Variants in DOCK9 observed in about 807,000 individuals in gnomAD.
DOCK9 encodes dedicator of cytokinesis 9, also known as dedicator of cytokinesis protein 9.
A neutral mutation model predicts 263.3 loss-of-function variants in DOCK9; 89 were observed. The ratio of observed to expected loss-of-function variants is 0.34; its 90% CI spans 0.28 to 0.40. The LOEUF is 0.40. Among genes scored for constraint, DOCK9 ranks in the 10% least tolerant of loss-of-function variants. The pLI is 1.00. For missense variants in DOCK9, 2,140 were observed against 2,603.4 expected, an observed-to-expected ratio of 0.82 and a Z score of 3.87; for synonymous variants, 976 against 973.1, an observed-to-expected ratio of 1.00 and a Z score of -0.06.
At chr13:98,889,696 G>A (rs80156881) in intron 15 of DOCK9, among the ~76,000 whole-genome samples, 5,467 of 152,086 alleles carry the variant, frequency 0.036, 227 homozygotes, top group African/African-American at 0.1. Context: ...GTCTAGCGAT[G>A]TTCCTCTATC....
chr13:99,084,033 T>C (rs1434319746), intron 1 of DOCK9, among the ~76,000 whole-genome samples: 3 of 152,208 alleles, frequency 2.0e-5, no homozygotes, highest in Middle Eastern at 3.2e-3. Context: ...GCACAGACCA[T>C]GGGATTCTGA....
At chr13:99,084,800 C>G (rs1181398553) in intron 1 of DOCK9, among the ~76,000 whole-genome samples, 3 of 152,196 alleles carry the variant, frequency 2.0e-5, no homozygotes, top group Non-Finnish European at 4.4e-5. Flanking sequence ...TGTGTGAGAA[C>G]AGAAAAGATG....
intron 2 of DOCK9, among the ~76,000 whole-genome samples, chr13:98,946,796 C>A (rs772193995): frequency 6.6e-6 from 1 of 152,112 alleles, no homozygotes; most frequent in Non-Finnish European, 1.5e-5. Flanking sequence ...ACTTCTTTAC[C>A]CCTTCCTGGT....
At chr13:98,799,040 C>G (rs1169368466) in intron 50 of DOCK9, among the ~76,000 whole-genome samples, 2 of 152,150 alleles carry the variant, frequency 1.3e-5, no homozygotes, top group African/African-American at 2.4e-5. Flanking sequence ...GCCTCTGGAC[C>G]TGTTACATAA....
intron 1 of DOCK9, among the ~76,000 whole-genome samples, chr13:99,056,996 C>T (rs568834206): frequency 1.4e-4 from 21 of 152,292 alleles, no homozygotes; most frequent in African/African-American, 4.8e-4. Flanking sequence ...CAGTTTCTTG[C>T]CAAGTAGCTG....
At chr13:98,875,163 G>A (rs4259912) in intron 27 of DOCK9, among the ~76,000 whole-genome samples, 25,326 of 152,000 alleles carry the variant, frequency 0.17, 2,205 homozygotes, top group African/African-American at 0.22. Flanking sequence ...TCTTTCTCCA[G>A]TGACTAGGTG....
At chr13:99,087,722 C>T (rs2042380877), upstream of DOCK9, 2 of 152,452 alleles carry the variant, frequency 1.3e-5, no homozygotes, top group South Asian at 4.1e-4. Flanking sequence ...GGCGCATGCT[C>T]AGTGGTTGGG....
chr13:98,829,602 C>T lies in DOCK9; in HGVS notation c.4749+41G>A, dbSNP rs1216940902. Reference sequence around the variant, plus strand: ...TCCACAAGCACCTCAGGTGCTGATGCAGAGTCTCAGGGTGAAACTAACATG... The same window carrying T: ...TCCACAAGCACCTCAGGTGCTGATGTAGAGTCTCAGGGTGAAACTAACATG... On this transcript the variant is annotated intron_variant, in intron 42 of 52. Coordinates refer to ENST00000682017, the MANE Select transcript of DOCK9 (RefSeq NM_001366683.2). The surrounding 1 kb of genome is among the most constrained non-coding windows in gnomAD (Gnocchi z 4.1). 2 of 1,581,774 alleles carry T rather than the reference C, an allele frequency of 1.3e-6. No homozygotes were observed. Among genetic ancestry groups the T allele is most frequent in the Non-Finnish European group, 1.7e-6 (2 of 1,160,854 alleles).
intron 1 of DOCK9, among the ~76,000 whole-genome samples, chr13:99,077,547 T>C (rs563905234): frequency 6.6e-6 from 1 of 152,262 alleles, no homozygotes; most frequent in South Asian, 2.1e-4. Context: ...TCTTTATAAA[T>C]TACCCAATCT....
intron 1 of DOCK9, among the ~76,000 whole-genome samples, chr13:99,009,845 G>A (rs947849073): frequency 2.0e-5 from 3 of 152,138 alleles, no homozygotes; most frequent in Non-Finnish European, 4.4e-5. Flanking sequence ...TTTCTCATTA[G>A]AAAAGACTGT....
intron 1 of DOCK9, among the ~76,000 whole-genome samples, chr13:99,063,387 G>C (rs1317072347): frequency 6.6e-6 from 1 of 152,232 alleles, no homozygotes; most frequent in Non-Finnish European, 1.5e-5. Context: ...CCTACCAAAT[G>C]CTGGGGCTAG....
chr13:98,968,064 TA>T (rs2059376483), intron 1 of DOCK9, among the ~76,000 whole-genome samples: 1 of 152,164 alleles, frequency 6.6e-6, no homozygotes, highest in Admixed American at 6.5e-5. Context: ...TGTGTAAGTA[TA>T]AACCTGCACT....
chr13:98,891,689 A>G (rs1474565938), intron 15 of DOCK9, among the ~76,000 whole-genome samples: 1 of 151,842 alleles, frequency 6.6e-6, no homozygotes, highest in Non-Finnish European at 1.5e-5. Context: ...TTCTTATTCT[A>G]TTTCCTCCCT....
chr13:98,862,691 GA>G (rs34466160), intron 32 of DOCK9, among the ~76,000 whole-genome samples: 46,554 of 145,762 alleles, frequency 0.32, 7,356 homozygotes, highest in East Asian at 0.54. Context: ...TTATCTTGGG[GA>G]AAAAAAAAAA....
chr13:99,085,828 G>T (rs1270045814), intron 1 of DOCK9, among the ~76,000 whole-genome samples: 24 of 151,142 alleles, frequency 1.6e-4, no homozygotes, highest in Non-Finnish European at 3.1e-4. Flanking sequence ...AAACATGGAA[G>T]GAGAGGGAGG....
intron 2 of DOCK9, among the ~76,000 whole-genome samples, chr13:98,946,034 C>T (rs910377221): frequency 2.0e-4 from 18 of 91,894 alleles, no homozygotes; most frequent in African/African-American, 7.7e-4. Context: ...TCCCAAGCCT[C>T]GCGGGGGAGA....
intron 1 of DOCK9, among the ~76,000 whole-genome samples, chr13:99,008,234 A>ATATATATATTTT (rs1233268084): frequency 1.1e-5 from 1 of 94,100 alleles, no homozygotes; most frequent in Non-Finnish European, 2.0e-5. Flanking sequence ...ATATATATAT[A>ATATATATATTTT]TTTTTTTTTT....
At chr13:99,025,772 A>T (rs1566318855) in intron 1 of DOCK9, among the ~76,000 whole-genome samples, 1 of 152,258 alleles carries the variant, frequency 6.6e-6, no homozygotes, top group Non-Finnish European at 1.5e-5. Context: ...TGTTCATAAT[A>T]AACAAAAATT....
intron 1 of DOCK9, among the ~76,000 whole-genome samples, chr13:98,984,418 G>A (rs998530318): frequency 1.6e-4 from 25 of 152,160 alleles, no homozygotes; most frequent in African/African-American, 5.6e-4. Context: ...TTCAATAGTT[G>A]TATCTCCAAA....
Sources: allele counts gnomAD v4.1 joint callset (sites outside exome capture counted in the v4.1 genomes callset), GRCh38; gene constraint gnomAD v4.1.1; non-coding constraint Gnocchi (gnomAD v3.1); transcripts MANE v1.5; gene names NCBI Gene and HGNC (gene_info 2026-07-23, HGNC 2026-07-21).